Variants in TLE1 observed in about 807,000 individuals in gnomAD.
TLE1 encodes the protein transducin-like enhancer protein 1.
In TLE1, 21 loss-of-function variants were observed where a neutral mutation model predicts 89.8. That is an observed-to-expected ratio of 0.23 (90% CI 0.17 to 0.34). The LOEUF is 0.34. TLE1 is among the 10% of genes least tolerant of loss of function. TLE1 has a pLI of 1.00. For synonymous variants in TLE1, 447 were observed against 407.6 expected (o/e 1.10, Z -1.16); for missense variants, 795 against 1,031.2 (o/e 0.77, Z 3.14).
intron 11 of TLE1, among the ~76,000 whole-genome samples, chr9:81,614,815 C>T (rs1450378326): frequency 2.6e-5 from 4 of 151,784 alleles, no homozygotes; most frequent in Non-Finnish European, 4.4e-5. Flanking sequence ...TCCATAATAT[C>T]GGGGCATGCT....
chr9:81,670,471 G>T (rs921987511), intron 4 of TLE1, among the ~76,000 whole-genome samples: 1 of 151,978 alleles, frequency 6.6e-6, no homozygotes, highest in African/African-American at 2.4e-5. Context: ...GACTACAGGC[G>T]TGCGCCACTG....
At chr9:81,613,906 CT>C (rs761514885) in intron 11 of TLE1, among the ~76,000 whole-genome samples, 1,779 of 89,908 alleles carry the variant, frequency 0.02, 23 homozygotes, top group African/African-American at 0.13. Context: ...CTTTTCTTTT[CT>C]TTTTTTTTTT....
At position 81,655,369 on chromosome 9, in the gene TLE1, A is replaced by T. The variant is rs79246784; in HGVS notation, c.235-1333T>A. On this transcript the variant is annotated intron_variant, in intron 4 of 19. Coordinates refer to ENST00000376499, the MANE Select transcript of TLE1 (RefSeq NM_005077.5). The stretch of plus-strand genomic sequence containing the variant: ...CAGTGAGACTCCACCTCAAAAAATA[A>T]AAAAAATAAAGAAGGCTGGAAAAAC... 2.5e-3 allele frequency among the ~76,000 whole-genome samples: 382 copies of T among 152,082 alleles called. 3 individuals are homozygous for T. Among genetic ancestry groups the T allele is most frequent in the African/African-American group, 8.7e-3 (360 of 41,454 alleles).
In TLE1 at chr9:81,585,524, G is replaced by A. The variant is rs147941591; in HGVS notation, c.2109C>T (p.Ser703=). 1,519 of 1,613,578 alleles carry A rather than the reference G, an allele frequency of 9.4e-4. 28 individuals carry two copies. The Admixed American group carries it at 0.022, about 24-fold the overall frequency. Residue 703 remains serine, a synonymous_variant, in exon 18 of 20, where the codon TCC becomes TCT. Transcript: ENST00000376499. ...ACTCACCACAGTAAGCAAATTTCAG[G>A]GACAGCACGCAGCTCTCATGCAGGT... The part of the protein sequence containing the change: ...QLHLHESCVL[S]LKFAYCGKWF...
chr9:81,607,659 A>G (rs887823016), intron 14 of TLE1, among the ~76,000 whole-genome samples: 4 of 152,220 alleles, frequency 2.6e-5, no homozygotes, highest in African/African-American at 9.6e-5. Flanking sequence ...TCAGTAGAAC[A>G]CAACAGCTAC....
chr9:81,600,062 T>G, intron 14 of TLE1: 1 of 731,274 alleles, frequency 1.4e-6, no homozygotes, highest in Non-Finnish European at 2.6e-6. Context: ...CCTAACTTCC[T>G]CTATCAATTA....
intron 4 of TLE1, among the ~76,000 whole-genome samples, chr9:81,668,991 T>C (rs991462242): frequency 1.3e-5 from 2 of 152,166 alleles, no homozygotes; most frequent in Non-Finnish European, 2.9e-5. Context: ...TTCCAGGACA[T>C]GTCAATTCTC....
intron 14 of TLE1, among the ~76,000 whole-genome samples, chr9:81,605,570 A>G (rs1831527887): frequency 6.6e-6 from 1 of 152,230 alleles, no homozygotes; most frequent in African/African-American, 2.4e-5. Context: ...AGTCATACGT[A>G]GAAAGCTGAA....
In TLE1 at chr9:81,634,243, G is replaced by T. The variant is rs534579421; in HGVS notation, c.431C>A (p.Thr144Lys). The stretch of plus-strand genomic sequence containing the variant: ...AGGCTGAAGTCCCGAAGGGTGAGGC[G>T]TAAGGGGAACTGGGGGTCCGTGGCC... ...SHGHGPPVPL[T>K]PHPSGLQPPG... Residue 144 changes from threonine (T) to lysine (K), a missense_variant, in exon 7 of 20, where the codon ACG becomes AAG. Physicochemically the swap from Thr to Lys is moderately conservative, Grantham distance 78 (BLOSUM62 -1). Transcript: ENST00000376499. The T allele has an allele frequency of 1.3e-6, 2 of 1,582,556 alleles. No individual in the cohort carries two copies. The highest frequency in any genetic ancestry group is 1.7e-6 in the Non-Finnish European group (2 of 1,161,870).
intron 4 of TLE1, among the ~76,000 whole-genome samples, chr9:81,667,403 A>G (rs539984906): frequency 5.3e-5 from 8 of 151,952 alleles, no homozygotes; most frequent in South Asian, 2.1e-4. Flanking sequence ...AAAAAAAAAA[A>G]AAGAAGCAAA....
At chr9:81,658,101 G>A (rs528357492) in intron 4 of TLE1, among the ~76,000 whole-genome samples, 123 of 151,424 alleles carry the variant, frequency 8.1e-4, no homozygotes, top group Non-Finnish European at 1.5e-3. Context: ...TAGTAAAGAC[G>A]GGGTTTCACC....
At chr9:81,686,822 G>C (rs1054398673) in intron 2 of TLE1, among the ~76,000 whole-genome samples, 3 of 152,172 alleles carry the variant, frequency 2.0e-5, no homozygotes, top group Admixed American at 6.5e-5. Context: ...AAGCAGGTGA[G>C]CTTTCTTCTT....
rs201550866 is a variant in TLE1, at chr9:81,591,091, C to T, written c.1582-39G>A. ...ATAATTCATTGCTATAATGAATTAC[C>T]GAGCAATCATAGCACCATGTTCTCT... On this transcript the variant is annotated intron_variant, in intron 15 of 19. Coordinates refer to ENST00000376499, the MANE Select transcript of TLE1 (RefSeq NM_005077.5). 15 of 1,594,032 alleles carry T rather than the reference C, an allele frequency of 9.4e-6. No homozygotes were observed. The Middle Eastern group carries it at 5.2e-4, about 55-fold the overall frequency.
At chr9:81,633,762 G>A (rs1364952591) in intron 7 of TLE1, 7 of 470,902 alleles carry the variant, frequency 1.5e-5, no homozygotes, top group Admixed American at 1.4e-4. Context: ...TTCTTATTTC[G>A]CCCCATTTAA....
intron 14 of TLE1, among the ~76,000 whole-genome samples, chr9:81,594,952 C>T (rs973890947): frequency 3.9e-5 from 6 of 152,176 alleles, no homozygotes; most frequent in Admixed American, 3.9e-4. Flanking sequence ...GACTTTTAAA[C>T]TTCCCCTCCA....
chr9:81,685,964 T>A (rs1834215542), intron 2 of TLE1, 68 bp from the exon 3 acceptor site: 1 of 1,557,334 alleles, frequency 6.4e-7, no homozygotes, highest in Non-Finnish European at 8.8e-7. Flanking sequence ...GCCTCACATA[T>A]TTGCACTTCA....
intron 4 of TLE1, among the ~76,000 whole-genome samples, chr9:81,679,683 A>C (rs974654616): frequency 6.6e-5 from 10 of 152,142 alleles, no homozygotes; most frequent in Admixed American, 2.0e-4. Flanking sequence ...TTACTTAAAA[A>C]CCACTATACT....
At position 81,668,691 on chromosome 9, in the gene TLE1, A is replaced by G. The variant is rs1467015089; in HGVS notation, c.235-14655T>C. 2.0e-5 allele frequency among the ~76,000 whole-genome samples: 3 copies of G among 152,074 alleles called. No homozygotes were observed. The East Asian group carries it at 5.8e-4, about 29-fold the overall frequency. ...ACAGGGACTGACCAAAAATACACATAATTAAAAGTATGCCAAAAAAAAGGC... is the reference window on the plus strand; with the variant it reads ...ACAGGGACTGACCAAAAATACACATGATTAAAAGTATGCCAAAAAAAAGGC... On this transcript the variant is annotated intron_variant, in intron 4 of 19. Coordinates refer to ENST00000376499, the MANE Select transcript of TLE1 (RefSeq NM_005077.5).
chr9:81,613,674 G>A (rs1824007663), intron 11 of TLE1, among the ~76,000 whole-genome samples, 153 bp from the exon 12 acceptor site: 1 of 152,170 alleles, frequency 6.6e-6, no homozygotes, highest in Non-Finnish European at 1.5e-5. Flanking sequence ...ATTAACTTGT[G>A]AGCGAGAAAT....
Sources: gnomAD v4.1 joint callset for allele counts (sites outside exome capture counted in the v4.1 genomes callset) on GRCh38, gnomAD v4.1.1 for gene constraint, MANE v1.5 for transcripts, NCBI Gene and HGNC (gene_info 2026-07-23, HGNC 2026-07-21) for gene names.